DNAJC1: variants seen among roughly 807,000 people sequenced by gnomAD.
DNAJC1 encodes DnaJ heat shock protein family (Hsp40) member C1.
A neutral mutation model predicts 76.6 loss-of-function variants in DNAJC1; 58 were observed. The ratio of observed to expected loss-of-function variants is 0.76; its 90% confidence interval spans 0.61 to 0.94. The LOEUF is 0.94. Among genes scored for constraint, DNAJC1 ranks in the 40% least tolerant of loss-of-function variants. The probability of loss-of-function intolerance (pLI) is 0.00; values close to 1 mark genes in which losing one functional copy is unlikely to be tolerated. For synonymous variants in DNAJC1, 258 were observed against 267.9 expected, an observed-to-expected ratio of 0.96 and a Z score of 0.36; for missense variants, 689 against 677.3, an observed-to-expected ratio of 1.02 and a Z score of -0.19.
intron 9 of DNAJC1, among the ~76,000 whole-genome samples, chr10:21,787,593 CA>C (rs1834628734): frequency 6.6e-6 from 1 of 152,178 alleles, no homozygotes; most frequent in South Asian, 2.1e-4. Context: ...GAAGTAACAG[CA>C]ACCCTGGTGA....
At chr10:21,970,186 A>G (rs780918606) in intron 1 of DNAJC1, among the ~76,000 whole-genome samples, 31 of 152,288 alleles carry the variant, frequency 2.0e-4, no homozygotes, top group Admixed American at 1.5e-3. Flanking sequence ...TGTAATTCAG[A>G]TTTATATTAA....
intron 1 of DNAJC1, among the ~76,000 whole-genome samples, chr10:21,980,786 A>G: frequency 6.6e-6 from 1 of 152,320 alleles, no homozygotes; most frequent in East Asian, 1.9e-4. Context: ...GAAAAATTAT[A>G]CATAAAAAGT....
rs908714146 is a variant in DNAJC1, at chr10:21,929,023, T to C, written c.324+17A>G. On this transcript the variant is annotated intron_variant, in intron 2 of 11. Transcript: ENST00000376980. ...CATTTGTCACAAAATATATATATAATAGCATATTTCACTTACTTGTCTAAA... is the reference window on the plus strand; with the variant it reads ...CATTTGTCACAAAATATATATATAACAGCATATTTCACTTACTTGTCTAAA... The C allele has an allele frequency of 8.3e-6, 12 of 1,448,714 alleles. No individual in the cohort carries two copies. In the African/African-American group the frequency reaches 1.6e-4, roughly 19 times the overall value. The allele number at this position is 1,448,714 out of a possible 1,614,324, so 89.7% of individuals were successfully genotyped here. A position where few individuals can be genotyped will look rare whatever the true frequency, so the allele number is the denominator to read the frequency against.
intron 8 of DNAJC1, among the ~76,000 whole-genome samples, chr10:21,877,777 T>C (rs1836209760): frequency 6.6e-6 from 1 of 152,276 alleles, no homozygotes; most frequent in South Asian, 2.1e-4. Context: ...CCTTGAACAA[T>C]ATGGAGGTTG....
At chr10:21,895,907 T>A (rs1836533469) in intron 7 of DNAJC1, among the ~76,000 whole-genome samples, 1 of 152,134 alleles carries the variant, frequency 6.6e-6, no homozygotes, top group Admixed American at 6.6e-5. Context: ...GACACAATGT[T>A]CCTCAGTCAC....
chr10:21,971,289 C>T (rs1278117678), intron 1 of DNAJC1, among the ~76,000 whole-genome samples: 1 of 151,780 alleles, frequency 6.6e-6, no homozygotes, highest in South Asian at 2.1e-4. Flanking sequence ...TCAGTAATAG[C>T]TGGCAATGAA....
At chr10:21,806,703 CTT>C (rs879570572) in intron 8 of DNAJC1, among the ~76,000 whole-genome samples, 3 of 145,418 alleles carry the variant, frequency 2.1e-5, no homozygotes, top group South Asian at 2.2e-4. Flanking sequence ...AAATGTCACT[CTT>C]TTTTTTTTTT....
intron 8 of DNAJC1, among the ~76,000 whole-genome samples, chr10:21,869,504 T>C (rs142518161): frequency 1.8e-3 from 268 of 152,240 alleles, no homozygotes; most frequent in East Asian, 0.01. Flanking sequence ...CCTGTAACTA[T>C]TGTCTCCCTA....
chr10:21,910,306 C>A (rs1355718345), intron 6 of DNAJC1, among the ~76,000 whole-genome samples: 1 of 151,830 alleles, frequency 6.6e-6, no homozygotes, highest in African/African-American at 2.4e-5. Flanking sequence ...AGTAAGACGG[C>A]GTTTCACAAT....
chr10:21,974,576 T>C (rs979941031), intron 1 of DNAJC1, among the ~76,000 whole-genome samples: 2 of 152,160 alleles, frequency 1.3e-5, no homozygotes, highest in African/African-American at 2.4e-5. Context: ...TACATATATT[T>C]CATGAAAAAG....
chr10:21,757,673 A>C (rs1196409839), intron 11 of DNAJC1, among the ~76,000 whole-genome samples: 1 of 152,178 alleles, frequency 6.6e-6, no homozygotes, highest in Non-Finnish European at 1.5e-5. Flanking sequence ...ATACTGCCAA[A>C]ACCAGATGTG....
At chr10:21,766,723 C>T (rs1290407118) in intron 9 of DNAJC1, among the ~76,000 whole-genome samples, 2 of 152,080 alleles carry the variant, frequency 1.3e-5, no homozygotes, top group Non-Finnish European at 2.9e-5. Context: ...GCAATCCTAG[C>T]ACTTTGGGAG....
At chr10:21,939,515 C>A (rs1191699434) in intron 1 of DNAJC1, among the ~76,000 whole-genome samples, 2 of 152,094 alleles carry the variant, frequency 1.3e-5, no homozygotes, top group Non-Finnish European at 2.9e-5. Flanking sequence ...CATTTTAAAT[C>A]TTTTTACTGT....
At chr10:21,842,833 C>T (rs529652091) in intron 8 of DNAJC1, among the ~76,000 whole-genome samples, 60 of 152,264 alleles carry the variant, frequency 3.9e-4, no homozygotes, top group African/African-American at 1.4e-3. Flanking sequence ...AAGGGATATA[C>T]ATAATCTCAA....
chr10:21,765,694 A>C (rs562353202), intron 10 of DNAJC1, among the ~76,000 whole-genome samples: 114 of 152,204 alleles, frequency 7.5e-4, no homozygotes, highest in Admixed American at 1.4e-3. Flanking sequence ...AAAATACAAA[A>C]ATCTGTCAGG....
At chr10:21,797,158 T>G (rs915643361) in intron 9 of DNAJC1, among the ~76,000 whole-genome samples, 2 of 152,292 alleles carry the variant, frequency 1.3e-5, no homozygotes, top group Admixed American at 6.5e-5. Context: ...TTCATTCTTT[T>G]GCATGTGGAC....
chr10:21,974,856 C>A (rs1042815441), intron 1 of DNAJC1, among the ~76,000 whole-genome samples: 1 of 151,892 alleles, frequency 6.6e-6, no homozygotes, highest in African/African-American at 2.4e-5. Flanking sequence ...AAGTAGATTT[C>A]TCTATGTAAT....
intron 8 of DNAJC1, among the ~76,000 whole-genome samples, chr10:21,873,719 C>G (rs1836141661): frequency 6.6e-6 from 1 of 152,096 alleles, no homozygotes; most frequent in South Asian, 2.1e-4. Context: ...GGAAAAGACA[C>G]TATAAAGGCA....
At chr10:21,904,688 T>G (rs1798221825) in intron 6 of DNAJC1, 76 bp from the exon 7 acceptor site, 3 of 865,312 alleles carry the variant, frequency 3.5e-6, no homozygotes, top group Admixed American at 2.8e-5. Context: ...TAACTTAACT[T>G]TAAAGCATTA....
Sources: gnomAD v4.1 joint callset for allele counts (sites outside exome capture counted in the v4.1 genomes callset) on GRCh38, gnomAD v4.1.1 for gene constraint, MANE v1.5 for transcripts, NCBI Gene and HGNC (gene_info 2026-07-23, HGNC 2026-07-21) for gene names.